The following SRRM1 variants were observed in gnomAD, a reference collection of about 807,000 sequenced individuals.
SRRM1 encodes serine and arginine repetitive matrix 1, also known as serine/arginine repetitive matrix protein 1.
A neutral mutation model predicts 110.2 loss-of-function variants in SRRM1; 19 were observed. The observed-to-expected ratio is 0.17, with a 90% CI of 0.12 to 0.25. The LOEUF is 0.25. Ranked by LOEUF, SRRM1 falls within the 10% of genes least tolerant of loss-of-function variation. The pLI, the probability that SRRM1 is intolerant of heterozygous loss-of-function variation, is 1.00. For missense variants in SRRM1, 918 were observed against 1,145.8 expected (o/e 0.80, Z 2.87); for synonymous variants, 443 against 414.9 (o/e 1.07, Z -0.82).
chr1:24,652,473 G>A lies in SRRM1; in HGVS notation c.765G>A (p.Glu255=), dbSNP rs752616501. 2.5e-6 allele frequency: 4 copies of A among 1,604,732 alleles called. No individual in the cohort carries two copies. The highest frequency in any genetic ancestry group is 1.4e-5 in the African/African-American group (1 of 73,504). The change falls in exon 7 of 17, where the codon GAG becomes GAA. Residue 255 remains glutamate (E), a synonymous_variant. Transcript: ENST00000323848. ...TTCCCAAACCTGAACCTATACCAGAGCCTAAAGAACCTTCTCCGGAAAAAA... is the reference window on the plus strand; with the variant it reads ...TTCCCAAACCTGAACCTATACCAGAACCTAAAGAACCTTCTCCGGAAAAAA... The part of the protein sequence containing the change: ...LKVPKPEPIP[E]PKEPSPEKNS...
At chr1:24,648,619 A>G in intron 3 of SRRM1, 1 of 384,676 alleles carries the variant, frequency 2.6e-6, no homozygotes, top group Non-Finnish European at 4.6e-6. Flanking sequence ...TCCACAAAGG[A>G]TTAACAGGCT....
chr1:24,662,737 C>T lies in SRRM1; in HGVS notation c.1561C>T (p.Arg521Trp), dbSNP rs777711905. The T allele has an allele frequency of 1.1e-5, 18 of 1,614,036 alleles. 1 individual carries two copies. In the East Asian group the frequency reaches 1.3e-4, roughly 12 times the overall value. The change falls in exon 12 of 17, where the codon CGG (arginine) becomes TGG (tryptophan). Residue 521 changes from arginine (R) to tryptophan (W), a missense_variant. Physicochemically the swap from Arg to Trp is moderately radical, Grantham distance 101. Around this residue, in one of 5 missense-constraint regions of SRRM1, gnomAD observed 357 missense variants for 402.9 expected, o/e 0.89. Transcript: ENST00000323848. ...GAAGAATGGTGAGGTTGGCAGGCGG[C>T]GGAGACATTCCCCTTCCCGGAGTGC... ...HVKNGEVGRR[R>W]RHSPSRSASP...
At chr1:24,669,619 T>C in intron 14 of SRRM1, 32 bp downstream of exon 14, 1 of 1,466,780 alleles carries the variant, frequency 6.8e-7, no homozygotes, top group Non-Finnish European at 9.2e-7. Context: ...CCATTAGGAA[T>C]ACTTACATAG....
Position 24,655,060 on chromosome 1 carries a change from A to G in SRRM1, c.1246A>G (p.Thr416Ala), listed in dbSNP as rs1388725600. ...TPPPKTRHSP[T>A]PQQSNRTRKS... ...ACCACCCAAAACTCGGCATTCCCCTACACCCCAGCAGTCAAACCGTACAAG... is the reference window on the plus strand; with the variant it reads ...ACCACCCAAAACTCGGCATTCCCCTGCACCCCAGCAGTCAAACCGTACAAG... The change falls in exon 9 of 17, where the codon ACA becomes GCA. Residue 416 changes from threonine (T) to alanine (A), a missense_variant. Thr to Ala is a moderately conservative substitution (Grantham distance 58). Around this residue, in one of 5 missense-constraint regions of SRRM1, gnomAD observed 456 missense variants for 453.5 expected, o/e 1.01. Coordinates refer to ENST00000323848, the MANE Select transcript of SRRM1 (RefSeq NM_005839.4). 2 of 1,614,188 alleles carry G rather than the reference A, an allele frequency of 1.2e-6. No homozygotes were observed.
intron 11 of SRRM1, 125 bp downstream of exon 11, chr1:24,661,521 A>G: frequency 1.6e-6 from 1 of 624,604 alleles, no homozygotes; most frequent in South Asian, 4.0e-5. Flanking sequence ...CTGAGGAGGC[A>G]GGATTGTTTC....
At chr1:24,651,681 C>G (rs1660745979) in intron 6 of SRRM1, 69 bp downstream of exon 6, 1 of 1,187,032 alleles carries the variant, frequency 8.4e-7, no homozygotes, top group Admixed American at 2.3e-5. Flanking sequence ...AATATGACAT[C>G]TGAGTTAAAA....
rs937442401 is a variant in SRRM1 at position 24,669,197 on chromosome 1, C to G, written c.1814C>G (p.Ser605Cys). 2.5e-6 allele frequency: 4 copies of G among 1,614,116 alleles called. No homozygotes were observed. Among genetic ancestry groups the G allele is most frequent in the East Asian group, 2.2e-5 (1 of 44,868 alleles). The part of the protein sequence containing the change: ...RYSPPIQRRY[S>C]PSPPPKRRTA... ...TCTCCTCCAATACAGAGGAGATACT[C>G]TCCTTCTCCACCTCCAAAGAGAAGA... The change falls in exon 14 of 17, where the codon TCT (serine) becomes TGT (cysteine). Residue 605 changes from serine to cysteine, a missense_variant. Ser to Cys is a moderately radical substitution (Grantham distance 112, BLOSUM62 -1). Around this residue, in one of 5 missense-constraint regions of SRRM1, gnomAD observed 357 missense variants for 402.9 expected, o/e 0.89. Coordinates refer to ENST00000323848, the MANE Select transcript of SRRM1 (RefSeq NM_005839.4).
chr1:24,661,185 A>T (rs930712473), intron 10 of SRRM1, 125 bp from the exon 11 acceptor site: 14 of 616,076 alleles, frequency 2.3e-5, no homozygotes, highest in Middle Eastern at 3.7e-4. Context: ...TTTTAAAAAA[A>T]ATATATAGTA....
rs2148580922 is a variant in SRRM1 at position 24,661,177 on chromosome 1, T to C, written c.1397-133T>C. The C allele has an allele frequency of 8.2e-6, 5 of 608,228 alleles. No homozygotes were observed. In the East Asian group the frequency reaches 8.4e-5, roughly 10 times the overall value. 37.7% of individuals were successfully genotyped at this position (608,228 alleles called of 1,614,324 possible). ...TGTGAATTGGCATTTTAAACTCTTT[T>C]TAAAAAAAATATATAGTAGTTGTAT... On this transcript the variant is annotated intron_variant, in intron 10 of 16. Transcript: ENST00000323848.
chr1:24,652,654 A>G, intron 7 of SRRM1, 26 bp downstream of exon 7: 1 of 1,568,532 alleles, frequency 6.4e-7, no homozygotes, highest in African/African-American at 1.4e-5. Flanking sequence ...AAGATCAACA[A>G]AGATCTTAGG....
At chr1:24,651,876 A>G (rs1224709227) in intron 6 of SRRM1, among the ~76,000 whole-genome samples, 2 of 151,012 alleles carry the variant, frequency 1.3e-5, no homozygotes, top group Non-Finnish European at 2.9e-5. Context: ...ATTGTGGACA[A>G]CTTCGCACTT....
intron 8 of SRRM1, chr1:24,654,332 T>A (rs1330484102): frequency 7.8e-7 from 1 of 1,289,862 alleles, no homozygotes; most frequent in East Asian, 5.5e-5. Context: ...CCGCCAAAGG[T>A]GAATTCTGCA....
Position 24,651,392 on chromosome 1 carries a change from A to T in SRRM1, c.522-17A>T. On this transcript the variant is annotated splice_polypyrimidine_tract_variant and intron_variant, in intron 5 of 16. Transcript: ENST00000323848. ...CCATGTTATTTAAAAACCTGAAAAAAATTACTTTCATCCTAGACGCAAATC... is the reference window on the plus strand; with the variant it reads ...CCATGTTATTTAAAAACCTGAAAAATATTACTTTCATCCTAGACGCAAATC... The T allele has an allele frequency of 6.2e-7, 1 of 1,605,754 alleles. No homozygotes were observed. Among genetic ancestry groups the T allele is most frequent in the Non-Finnish European group, 8.5e-7 (1 of 1,175,428 alleles).
intron 12 of SRRM1, among the ~76,000 whole-genome samples, chr1:24,663,654 G>A (rs994676488): frequency 5.3e-5 from 8 of 151,992 alleles, no homozygotes; most frequent in African/African-American, 1.9e-4. Context: ...AAAAGTGAGA[G>A]GATCACGAGG....
At chr1:24,654,185 CA>C in intron 8 of SRRM1, 1 of 686,084 alleles carries the variant, frequency 1.5e-6, no homozygotes, top group Non-Finnish European at 2.2e-6. Flanking sequence ...TGGAGTTTTG[CA>C]AACAGCATGT....
At chr1:24,668,001 C>T (rs1320953971) in intron 13 of SRRM1, among the ~76,000 whole-genome samples, 10 of 96,470 alleles carry the variant, frequency 1.0e-4, no homozygotes, top group African/African-American at 4.0e-4. Flanking sequence ...TTGAGACAGT[C>T]TCACTCTGTC....
intron 10 of SRRM1, 37 bp from the exon 11 acceptor site, chr1:24,661,273 A>C: frequency 6.5e-7 from 1 of 1,542,638 alleles, no homozygotes. Context: ...TATATGCTTA[A>C]CTAAAGAAAC....
At chr1:24,650,974 T>A (rs776293326) in intron 5 of SRRM1, among the ~76,000 whole-genome samples, 1 of 152,228 alleles carries the variant, frequency 6.6e-6, no homozygotes, top group Non-Finnish European at 1.5e-5. Context: ...AACATGTTGC[T>A]TTAATGGTAT....
At chr1:24,663,974 G>A (rs1668549631) in intron 12 of SRRM1, among the ~76,000 whole-genome samples, 1 of 147,984 alleles carries the variant, frequency 6.8e-6, no homozygotes, top group Non-Finnish European at 1.5e-5. Context: ...AGAAAGGTGG[G>A]TTGCATAGCT....
Sources: allele counts gnomAD v4.1 joint callset (sites outside exome capture counted in the v4.1 genomes callset), GRCh38; gene constraint gnomAD v4.1.1; regional missense constraint gnomAD v4.1.1; transcripts MANE v1.5; gene names NCBI Gene and HGNC (gene_info 2026-07-23, HGNC 2026-07-21).